FN1: variants seen among roughly 807,000 people sequenced by gnomAD.
FN1 encodes fibronectin.
Under a neutral mutation model 297.3 loss-of-function variants are expected in FN1, and 106 were observed. The ratio of observed to expected loss-of-function variants is 0.36; its 90% confidence interval spans 0.30 to 0.42. FN1 has a LOEUF of 0.42. FN1 is among the 10% of genes least tolerant of loss of function. The pLI is 1.00. For missense variants in FN1, 2,690 were observed against 3,124.9 expected (o/e 0.86, Z 3.32); for synonymous variants, 1,149 against 1,152.6 (o/e 1.00, Z 0.06).
chr2:215,384,765 A>G, intron 29 of FN1, 95 bp downstream of exon 29: 1 of 891,606 alleles, frequency 1.1e-6, no homozygotes, highest in Non-Finnish European at 1.9e-6. Flanking sequence ...GACTTGCCAA[A>G]GTTTCTTTAA....
At chr2:215,435,626 G>A in intron 1 of FN1, 29 bp downstream of exon 1, 1 of 1,612,976 alleles carries the variant, frequency 6.2e-7, no homozygotes, top group East Asian at 2.2e-5. Context: ...CCCTGAGGCA[G>A]CCTGTTTCAG....
At chr2:215,428,159 C>A (rs1272693507) in intron 6 of FN1, 21 bp downstream of exon 6, 1 of 1,613,450 alleles carries the variant, frequency 6.2e-7, no homozygotes, top group South Asian at 1.1e-5. Flanking sequence ...ATTTCCCGCC[C>A]CTGCTCGTCC....
chr2:215,396,920 G>C (rs1197072824), intron 23 of FN1, among the ~76,000 whole-genome samples: 1 of 152,216 alleles, frequency 6.6e-6, no homozygotes. Flanking sequence ...CCCTAGACTA[G>C]TGTAAGGTTG....
At chr2:215,404,293 T>A in intron 20 of FN1, 96 bp downstream of exon 20, 1 of 1,187,820 alleles carries the variant, frequency 8.4e-7, no homozygotes, top group Non-Finnish European at 1.2e-6. Context: ...GTACTAATTT[T>A]TTAATGTTTT....
intron 39 of FN1, among the ~76,000 whole-genome samples, chr2:215,372,700 CTCTT>C (rs1258911513): frequency 2.6e-5 from 4 of 152,298 alleles, no homozygotes; most frequent in South Asian, 2.1e-4. Flanking sequence ...TTCTCTTTCT[CTCTT>C]TCTTTTTTAA....
chr2:215,400,748 T>A (rs2060896273), intron 20 of FN1, among the ~76,000 whole-genome samples: 1 of 33,908 alleles, frequency 2.9e-5, no homozygotes. Flanking sequence ...CAAGGCTCCA[T>A]CTCAAAAAAA....
intron 9 of FN1, among the ~76,000 whole-genome samples, chr2:215,423,041 C>A (rs1382047638): frequency 6.6e-6 from 1 of 152,160 alleles, no homozygotes; most frequent in Non-Finnish European, 1.5e-5. Context: ...TTTACAAAGA[C>A]AAACCTGTGC....
At chr2:215,423,641 A>G in intron 8 of FN1, 115 bp from the exon 9 acceptor site, 2 of 907,740 alleles carry the variant, frequency 2.2e-6, no homozygotes, top group Non-Finnish European at 3.6e-6. Flanking sequence ...CAGACAGTCT[A>G]TCTCAGAATA....
intron 3 of FN1, 136 bp downstream of exon 3, chr2:215,433,188 T>C (rs2066832402): frequency 2.9e-6 from 3 of 1,034,228 alleles, no homozygotes; most frequent in Non-Finnish European, 3.0e-6. Context: ...GGGTGACCAC[T>C]TAAGAGTACC....
At chr2:215,388,069 C>G in intron 27 of FN1, 143 bp downstream of exon 27, 1 of 699,950 alleles carries the variant, frequency 1.4e-6, no homozygotes, top group Non-Finnish European at 2.6e-6. Flanking sequence ...TTGAGACCAG[C>G]GATAAAATCA....
In FN1 at chr2:215,382,224, T is replaced by A; in HGVS notation, c.5152A>T (p.Thr1718Ser). The change falls in exon 32 of 46, where the codon ACT (threonine) becomes TCT (serine). Residue 1718 changes from threonine to serine, a missense_variant. Transcript: ENST00000354785. ...PSGESQPLVQTAVTNIDRPKG... is the reference protein window; with the variant it reads ...PSGESQPLVQSAVTNIDRPKG... Reference sequence around the variant, plus strand: ...AGTGGTTACGTACTGGTTACTGCAGTCTGAACCAGAGGCTGACTCTCTCCG... The same window carrying A: ...AGTGGTTACGTACTGGTTACTGCAGACTGAACCAGAGGCTGACTCTCTCCG... 6.2e-7 allele frequency: 1 copy of A among 1,611,772 alleles called. No individual in the cohort carries two copies. The highest frequency in any genetic ancestry group is 1.1e-5 in the South Asian group (1 of 91,022).
At chr2:215,424,361 G>A in intron 7 of FN1, 36 bp from the exon 8 acceptor site, 5 of 1,574,762 alleles carry the variant, frequency 3.2e-6, no homozygotes, top group Non-Finnish European at 4.4e-6. Flanking sequence ...AGTAAACAGA[G>A]ATGCTTTATC....
At chr2:215,424,357 C>A (rs1175308669) in intron 7 of FN1, 32 bp from the exon 8 acceptor site, 1 of 1,588,574 alleles carries the variant, frequency 6.3e-7, no homozygotes, top group Non-Finnish European at 8.6e-7. Flanking sequence ...TGTCAGTAAA[C>A]AGAGATGCTT....
chr2:215,410,558 A>G (rs2062473003), intron 13 of FN1, among the ~76,000 whole-genome samples: 1 of 149,562 alleles, frequency 6.7e-6, no homozygotes, highest in Admixed American at 6.7e-5. Context: ...CCCAGGCTAG[A>G]GTGCAGTGGC....
intron 13 of FN1, among the ~76,000 whole-genome samples, chr2:215,413,831 C>T (rs1210713868): frequency 6.6e-6 from 1 of 152,192 alleles, no homozygotes; most frequent in Non-Finnish European, 1.5e-5. Context: ...GATAACCTGG[C>T]TGAGTATAGA....
chr2:215,378,364 A>T (rs2106322828), intron 34 of FN1, 102 bp from the exon 35 acceptor site: 1 of 724,662 alleles, frequency 1.4e-6, no homozygotes, highest in East Asian at 2.6e-5. Context: ...AAAATAAAAA[A>T]TAAACAAACC....
In FN1 at chr2:215,406,362, C is replaced by T; in HGVS notation, c.2862G>A (p.Leu954=). ...VNLPGEHGQR[L]PISRNTFAEV... ...CTGCAAAGGTGTTCCTGCTGATGGGCAGCCTCTGCCCGTGCTCGCCAGGCA... is the reference window on the plus strand; with the variant it reads ...CTGCAAAGGTGTTCCTGCTGATGGGTAGCCTCTGCCCGTGCTCGCCAGGCA... Residue 954 remains leucine, a synonymous_variant, in exon 19 of 46, where the codon CTG becomes CTA. Transcript: ENST00000354785. 1 of 1,614,230 alleles carries T rather than the reference C, an allele frequency of 6.2e-7. No homozygotes were observed.
At chr2:215,394,333 G>A (rs2060053289) in intron 24 of FN1, among the ~76,000 whole-genome samples, 195 bp downstream of exon 24, 1 of 152,214 alleles carries the variant, frequency 6.6e-6, no homozygotes, top group Admixed American at 6.5e-5. Context: ...GTGAAGCACA[G>A]ACAGTAAAGC....
rs925567487 is a variant in FN1, at chr2:215,370,561, A to C, written c.6715-129T>G. On this transcript the variant is annotated intron_variant, in intron 40 of 45. Coordinates refer to ENST00000354785, the MANE Select transcript of FN1 (RefSeq NM_212482.4). ...AAGACAAAAAACAAAAAACAAAAAA[A>C]AAAAAAAGAGGGAGGGTATAGTGGT... 87 of 829,996 alleles carry C rather than the reference A, an allele frequency of 1.0e-4. 8 individuals are homozygous for C. The highest frequency in any genetic ancestry group is 1.2e-4 in the Non-Finnish European group (64 of 529,092). The allele number at this position is 829,996 out of a possible 1,614,324, so 51.4% of individuals were successfully genotyped here.
Sources: allele counts gnomAD v4.1 joint callset (sites outside exome capture counted in the v4.1 genomes callset), GRCh38; gene constraint gnomAD v4.1.1; transcripts MANE v1.5; gene names NCBI Gene and HGNC (gene_info 2026-07-23, HGNC 2026-07-21).